SLC4A10: variants seen among roughly 807,000 people sequenced by gnomAD.
SLC4A10 encodes the protein solute carrier family 4 member 10.
SLC4A10 carries 42 observed loss-of-function variants against 137.7 expected under a neutral mutation model. The observed-to-expected ratio is 0.30, with a 90% CI of 0.24 to 0.39. SLC4A10 has a LOEUF of 0.39. Among genes scored for constraint, SLC4A10 ranks in the 10% least tolerant of loss-of-function variants. SLC4A10 has a pLI of 1.00. For missense variants in SLC4A10, 925 were observed against 1,355.0 expected (o/e 0.68, Z 4.98); for synonymous variants, 474 against 464.1 (o/e 1.02, Z -0.27).
chr2:161,859,939 T>C (rs760946054), intron 5 of SLC4A10, among the ~76,000 whole-genome samples: 23 of 152,192 alleles, frequency 1.5e-4, no homozygotes, highest in Non-Finnish European at 2.4e-4. Flanking sequence ...GACTGTATTA[T>C]GTAGGCATAA....
At chr2:161,871,156 G>A (rs185108626) in intron 6 of SLC4A10, among the ~76,000 whole-genome samples, 3 of 151,724 alleles carry the variant, frequency 2.0e-5, no homozygotes, top group Non-Finnish European at 4.4e-5. Context: ...GTTTTTGTGG[G>A]GTTTTTTTGC....
chr2:161,839,806 G>A lies in SLC4A10; in HGVS notation c.295G>A (p.Val99Ile), dbSNP rs1489178338. The A allele has an allele frequency of 1.2e-6, 2 of 1,613,672 alleles. No homozygotes were observed. Among genetic ancestry groups the A allele is most frequent in the South Asian group, 2.2e-5 (2 of 91,066 alleles). ...SPSFDTPSQR[V>I]QFILGTEDDD... The stretch of plus-strand genomic sequence containing the variant: ...TTTTTTAGACACCCCATCACAGAGG[G>A]TACAGTTTATTCTTGGAACCGAGGA... Residue 99 changes from valine (V) to isoleucine (I), a missense_variant, in exon 4 of 27, where the codon GTA (valine) becomes ATA (isoleucine). Coordinates refer to ENST00000446997, the MANE Select transcript of SLC4A10 (RefSeq NM_001178015.2).
At chr2:161,886,683 A>T (rs559524438) in intron 10 of SLC4A10, among the ~76,000 whole-genome samples, 1 of 152,180 alleles carries the variant, frequency 6.6e-6, no homozygotes, top group South Asian at 2.1e-4. Flanking sequence ...TTTTAATTGA[A>T]AGAATTTATT....
At chr2:161,790,055 C>T (rs926948685) in intron 2 of SLC4A10, among the ~76,000 whole-genome samples, 4 of 152,056 alleles carry the variant, frequency 2.6e-5, no homozygotes, top group African/African-American at 4.8e-5. Flanking sequence ...ACTAGTAAGT[C>T]GTATGGCAGT....
intron 1 of SLC4A10, among the ~76,000 whole-genome samples, chr2:161,769,724 A>G (rs998743191): frequency 6.6e-6 from 1 of 151,720 alleles, no homozygotes; most frequent in African/African-American, 2.4e-5. Flanking sequence ...GTAATTCTTC[A>G]TGTGCGCTAT....
At chr2:161,924,471 A>G (rs966609471) in intron 15 of SLC4A10, among the ~76,000 whole-genome samples, 1 of 152,132 alleles carries the variant, frequency 6.6e-6, no homozygotes, top group African/African-American at 2.4e-5. Flanking sequence ...GCTTGGGTAT[A>G]CATGATATCT....
chr2:161,964,979 A>G (rs1000829385), intron 22 of SLC4A10, 72 bp from the exon 23 acceptor site: 2 of 1,428,846 alleles, frequency 1.4e-6, no homozygotes, highest in Non-Finnish European at 1.9e-6. Flanking sequence ...TCTACCAAAA[A>G]CCATACAGGC....
Position 161,904,726 on chromosome 2 carries a change from A to G in SLC4A10, c.1618-50A>G, listed in dbSNP as rs778355657. The G allele has an allele frequency of 7.5e-6, 12 of 1,599,746 alleles. No homozygotes were observed. The Admixed American group carries it at 1.0e-4, about 14-fold the overall frequency. ...TTTAAATGTCTTCTCCTTAGCTACA[A>G]TGGCCTCCTGTACAGCTTAGGTAAT... On this transcript the variant is annotated intron_variant, in intron 13 of 26. Transcript: ENST00000446997.
chr2:161,660,554 A>ATATTTATT (rs1183963887), intron 1 of SLC4A10, among the ~76,000 whole-genome samples: 2 of 133,334 alleles, frequency 1.5e-5, no homozygotes, highest in East Asian at 2.2e-4. Context: ...GTACTCATCT[A>ATATTTATT]TATTTCTTTC....
chr2:161,796,595 C>G (rs1440433919), intron 2 of SLC4A10, among the ~76,000 whole-genome samples: 1 of 152,140 alleles, frequency 6.6e-6, no homozygotes, highest in African/African-American at 2.4e-5. Context: ...GAATATATTC[C>G]AACTCTTGTT....
intron 1 of SLC4A10, among the ~76,000 whole-genome samples, chr2:161,682,595 C>A (rs2040981236): frequency 6.6e-6 from 1 of 151,878 alleles, no homozygotes; most frequent in Non-Finnish European, 1.5e-5. Context: ...GGCTTACAAT[C>A]ATTTTATTTG....
At chr2:161,975,743 A>G (rs1699283080) in intron 24 of SLC4A10, among the ~76,000 whole-genome samples, 1 of 152,224 alleles carries the variant, frequency 6.6e-6, no homozygotes, top group African/African-American at 2.4e-5. Context: ...CGGCATTTGA[A>G]CAAAGAAGGG....
chr2:161,780,635 C>T (rs546536396), intron 2 of SLC4A10, among the ~76,000 whole-genome samples: 213 of 151,974 alleles, frequency 1.4e-3, no homozygotes, highest in African/African-American at 3.5e-3. Context: ...TTCTTCAGAG[C>T]GGCTCATATA....
chr2:161,717,189 G>A (rs2125094227), intron 1 of SLC4A10, among the ~76,000 whole-genome samples: 1 of 152,286 alleles, frequency 6.6e-6, no homozygotes, highest in East Asian at 1.9e-4. Context: ...TGCTTAAGAA[G>A]CTTTTGGGCT....
At chr2:161,839,754 CA>C (rs1559365979) in intron 3 of SLC4A10, 34 bp from the exon 4 acceptor site, 6 of 1,610,168 alleles carry the variant, frequency 3.7e-6, no homozygotes, top group Non-Finnish European at 5.1e-6. Context: ...CGTGGTAATA[CA>C]TGTTCATGGT....
chr2:161,879,784 A>G (rs964038780), intron 9 of SLC4A10, among the ~76,000 whole-genome samples: 1 of 152,108 alleles, frequency 6.6e-6, no homozygotes, highest in Non-Finnish European at 1.5e-5. Flanking sequence ...TCCTAGGCAC[A>G]GTGGGCTTCC....
At chr2:161,798,777 T>C (rs2055054893) in intron 2 of SLC4A10, among the ~76,000 whole-genome samples, 1 of 151,064 alleles carries the variant, frequency 6.6e-6, no homozygotes, top group South Asian at 2.1e-4. Context: ...TCTACCTGCG[T>C]TTATTTTTCT....
intron 23 of SLC4A10, among the ~76,000 whole-genome samples, chr2:161,965,974 G>A (rs1028079596): frequency 9.2e-5 from 14 of 152,122 alleles, no homozygotes; most frequent in Non-Finnish European, 1.9e-4. Flanking sequence ...AAATAGAAAT[G>A]AGATTGAAAT....
chr2:161,690,509 C>T (rs1278673166), intron 1 of SLC4A10, among the ~76,000 whole-genome samples: 2 of 152,132 alleles, frequency 1.3e-5, no homozygotes, highest in Admixed American at 6.6e-5. Flanking sequence ...TTCATTACAG[C>T]ACTATTCACA....
Sources: allele counts gnomAD v4.1 joint callset (sites outside exome capture counted in the v4.1 genomes callset), GRCh38; gene constraint gnomAD v4.1.1; transcripts MANE v1.5; gene names NCBI Gene and HGNC (gene_info 2026-07-23, HGNC 2026-07-21).